The following IL1RAPL1 variants were observed in gnomAD, a reference collection of about 807,000 sequenced individuals.
IL1RAPL1 encodes the protein interleukin 1 receptor accessory protein like 1.
Under a neutral mutation model 48.4 loss-of-function variants are expected in IL1RAPL1, and 3 were observed. The ratio of observed to expected loss-of-function variants is 0.06; its 90% CI spans 0.03 to 0.16. The LOEUF is 0.16. IL1RAPL1 is among the 10% of genes least tolerant of loss of function. IL1RAPL1 has a pLI of 1.00. For missense variants in IL1RAPL1, 349 were observed against 530.6 expected (o/e 0.66, Z 3.36); for synonymous variants, 185 against 187.7 (o/e 0.99, Z 0.12).
intron 3 of IL1RAPL1, among the ~76,000 whole-genome samples, chrX:29,388,128 A>G (rs887929334): frequency 9.4e-6 from 1 of 105,934 alleles, no homozygotes; most frequent in African/African-American, 3.4e-5. Context: ...AAAAAAAAAA[A>G]GCAATCAGAA....
intron 5 of IL1RAPL1, among the ~76,000 whole-genome samples, chrX:29,625,317 T>C (rs2147076550): frequency 8.9e-6 from 1 of 112,259 alleles, no homozygotes; most frequent in African/African-American, 3.2e-5. Context: ...ATTTGATGAT[T>C]TGAATGGAAA....
chrX:29,405,683 TTGTC>T (rs765700369), intron 5 of IL1RAPL1, among the ~76,000 whole-genome samples: 10 of 110,224 alleles, frequency 9.1e-5, no homozygotes, highest in Non-Finnish European at 1.9e-4. Context: ...TCTTTCAAGA[TTGTC>T]TGTGTTTTTT....
intron 5 of IL1RAPL1, among the ~76,000 whole-genome samples, chrX:29,421,579 A>T (rs1033394936): frequency 9.0e-6 from 1 of 111,163 alleles, no homozygotes; most frequent in Non-Finnish European, 1.9e-5. Flanking sequence ...GGCAGAAGGG[A>T]AAGAGACTAA....
At chrX:29,516,127 C>A (rs974952115) in intron 5 of IL1RAPL1, among the ~76,000 whole-genome samples, 14 of 112,057 alleles carry the variant, frequency 1.2e-4, no homozygotes, top group African/African-American at 3.2e-4. Context: ...AGATCTCTGA[C>A]AAGGTCATGC....
At chrX:29,534,990 C>T (rs1478935518) in intron 5 of IL1RAPL1, among the ~76,000 whole-genome samples, 1 of 106,629 alleles carries the variant, frequency 9.4e-6, no homozygotes, top group African/African-American at 3.4e-5. Context: ...AGAAATTAAC[C>T]GAGTGTGGTG....
intron 2 of IL1RAPL1, among the ~76,000 whole-genome samples, chrX:29,140,520 G>T (rs370649427): frequency 1.8e-5 from 2 of 112,008 alleles, no homozygotes; most frequent in African/African-American, 6.5e-5. Flanking sequence ...TAAAAGAGGT[G>T]CTAATAAGCA....
At chrX:28,624,949 A>T (rs924764530) in intron 1 of IL1RAPL1, among the ~76,000 whole-genome samples, 1 of 111,932 alleles carries the variant, frequency 8.9e-6, no homozygotes, top group Non-Finnish European at 1.9e-5. Flanking sequence ...CACCTTCTCC[A>T]TGGAGCTTTG....
At chrX:28,850,817 C>CT (rs1921639958) in intron 2 of IL1RAPL1, among the ~76,000 whole-genome samples, 1 of 105,511 alleles carries the variant, frequency 9.5e-6, no homozygotes, top group African/African-American at 3.5e-5. Flanking sequence ...TAGTCCTAAA[C>CT]TTATATACCC....
chrX:29,511,112 GA>G (rs1024419938), intron 5 of IL1RAPL1, among the ~76,000 whole-genome samples: 1 of 111,639 alleles, frequency 9.0e-6, no homozygotes, highest in African/African-American at 3.3e-5. Flanking sequence ...GATAGTTTTA[GA>G]AAGTAGAAAG....
intron 2 of IL1RAPL1, among the ~76,000 whole-genome samples, chrX:29,212,034 A>G (rs1212620520): frequency 9.0e-6 from 1 of 111,211 alleles, no homozygotes; most frequent in Non-Finnish European, 1.9e-5. Context: ...CATCTCTAAC[A>G]GTAAGTCAGT....
At chrX:29,842,751 C>A (rs1931160541) in intron 6 of IL1RAPL1, among the ~76,000 whole-genome samples, 1 of 112,231 alleles carries the variant, frequency 8.9e-6, no homozygotes, top group Non-Finnish European at 1.9e-5. Context: ...TGTTACAGTG[C>A]AACGGAGACT....
intron 1 of IL1RAPL1, among the ~76,000 whole-genome samples, chrX:28,765,321 TG>T (rs1936223662): frequency 2.7e-5 from 3 of 111,707 alleles, no homozygotes. Flanking sequence ...TCTTAGGTTG[TG>T]TGCCTTGCAA....
intron 2 of IL1RAPL1, among the ~76,000 whole-genome samples, chrX:28,798,842 C>T (rs1328509573): frequency 9.0e-6 from 1 of 111,254 alleles, no homozygotes. Context: ...GAAAACAGGG[C>T]AGAGGGAAAG....
intron 5 of IL1RAPL1, among the ~76,000 whole-genome samples, chrX:29,565,119 A>G (rs953702508): frequency 1.8e-5 from 2 of 112,198 alleles, no homozygotes; most frequent in African/African-American, 6.5e-5. Flanking sequence ...ACATGACTAA[A>G]TAAAGAAAAT....
intron 2 of IL1RAPL1, among the ~76,000 whole-genome samples, chrX:28,824,431 T>TG (rs1471750921): frequency 9.0e-6 from 1 of 111,346 alleles, no homozygotes; most frequent in Admixed American, 9.6e-5. Flanking sequence ...TTCAAATTAA[T>TG]AATTATTTAT....
At chrX:29,907,184 CTAAG>C (rs986185930) in intron 6 of IL1RAPL1, among the ~76,000 whole-genome samples, 1 of 111,014 alleles carries the variant, frequency 9.0e-6, no homozygotes, top group Non-Finnish European at 1.9e-5. Context: ...AGATGCTATG[CTAAG>C]TGAGTTTTAA....
At chrX:28,666,863 T>C (rs1186192989) in intron 1 of IL1RAPL1, among the ~76,000 whole-genome samples, 1 of 111,775 alleles carries the variant, frequency 8.9e-6, no homozygotes, top group African/African-American at 3.2e-5. Flanking sequence ...CATTATACCT[T>C]TCCTCGAGAA....
chrX:29,332,121 T>TTA (rs1182334928), intron 3 of IL1RAPL1, among the ~76,000 whole-genome samples: 3 of 89,868 alleles, frequency 3.3e-5, no homozygotes, highest in African/African-American at 8.3e-5. Flanking sequence ...TTTTTTTTTT[T>TTA]AGATTCTATA....
rs1176944521 is a variant in IL1RAPL1, at chrX:29,548,625, T to C, written c.704-119805T>C. 4.5e-5 allele frequency among the ~76,000 whole-genome samples: 5 copies of C among 112,129 alleles called. No homozygotes were observed. In the South Asian group the frequency reaches 1.1e-3, roughly 25 times the overall value. The stretch of plus-strand genomic sequence containing the variant: ...TATATTTATCAGCATGAATCTTTAC[T>C]CACTGAGCACCATTTAATAAGCATA... On this transcript the variant is annotated intron_variant, in intron 5 of 10. Coordinates refer to ENST00000378993, the MANE Select transcript of IL1RAPL1 (RefSeq NM_014271.4).
Sources: gnomAD v4.1 joint callset for allele counts (sites outside exome capture counted in the v4.1 genomes callset) on GRCh38, gnomAD v4.1.1 for gene constraint, MANE v1.5 for transcripts, NCBI Gene and HGNC (gene_info 2026-07-23, HGNC 2026-07-21) for gene names.